The following ELF2 variants were observed in gnomAD, a reference collection of about 807,000 sequenced individuals.
ELF2 encodes E74 like ETS transcription factor 2, also known as ETS-related transcription factor Elf-2.
ELF2 carries 11 observed loss-of-function variants against 54.8 expected under a neutral mutation model. The ratio of observed to expected loss-of-function variants is 0.20; its 90% CI spans 0.13 to 0.33. The LOEUF (loss-of-function observed/expected upper bound fraction) is 0.33. Among genes scored for constraint, ELF2 ranks in the 10% least tolerant of loss-of-function variants. The pLI is 1.00. For missense variants in ELF2, 513 were observed against 703.0 expected, an observed-to-expected ratio of 0.73 and a Z score of 3.06; for synonymous variants, 203 against 245.1, an observed-to-expected ratio of 0.83 and a Z score of 1.61.
Position 139,073,469 on chromosome 4 carries a change from C to A in ELF2, c.337G>T (p.Asp113Tyr), listed in dbSNP as rs1418262830. ...GTTTACATACCAGGACTTCTTGAAT[C>A]CCTCAAGCAGGTAGGAGATTCCATA... is the stretch of plus-strand genomic sequence containing the variant. ...LHMESPTCLR[D>Y]SRSPVEVFVP... Residue 113 changes from aspartate to tyrosine, a missense_variant, in exon 5 of 10, where the codon GAT (aspartate) becomes TAT (tyrosine). Physicochemically the swap from Asp to Tyr is radical, Grantham distance 160. This residue lies in a region of ELF2 where 203 missense variants were observed against 245.9 expected (regional missense o/e 0.83). Coordinates refer to ENST00000686138, the MANE Select transcript of ELF2 (RefSeq NM_001331036.3). 1.2e-6 allele frequency: 2 copies of A among 1,606,284 alleles called. No homozygotes were observed. Among genetic ancestry groups the A allele is most frequent in the African/African-American group, 1.3e-5 (1 of 74,846 alleles).
chr4:139,156,401 A>C (rs1031970292), intron 1 of ELF2, among the ~76,000 whole-genome samples: 3 of 151,928 alleles, frequency 2.0e-5, no homozygotes, highest in African/African-American at 7.3e-5. Flanking sequence ...GGATGGTCTC[A>C]ATCTCCTGAC....
At chr4:139,068,395 TG>T (rs2148682752) in intron 6 of ELF2, among the ~76,000 whole-genome samples, 1 of 152,362 alleles carries the variant, frequency 6.6e-6, no homozygotes, top group South Asian at 2.1e-4. Flanking sequence ...TTCTACAGGA[TG>T]GTGAGAAACA....
At chr4:139,111,857 C>T (rs1734976893) in intron 4 of ELF2, among the ~76,000 whole-genome samples, 2 of 152,122 alleles carry the variant, frequency 1.3e-5, no homozygotes, top group Non-Finnish European at 2.9e-5. Flanking sequence ...AGGTAGACAA[C>T]TTAGTGGAAG....
At position 139,058,406 on chromosome 4, in the gene ELF2, T is replaced by C. The variant is rs905661170; in HGVS notation, c.*577A>G. The C allele has an allele frequency of 6.3e-5, 5 of 78,808 alleles. No homozygotes were observed. The Admixed American group carries it at 8.6e-4, about 14-fold the overall frequency. The allele number at this position is 78,808 out of a possible 1,614,324, so 4.9% of individuals were successfully genotyped here. ...AAGCTATATGATATATATATATGTA[T>C]GTATATATATATATATATATATATA... On this transcript the variant is annotated 3_prime_UTR_variant, in exon 10 of 10. Transcript: ENST00000686138.
intron 9 of ELF2, 138 bp from the exon 10 acceptor site, chr4:139,059,745 G>T: frequency 1.1e-6 from 1 of 926,514 alleles, no homozygotes; most frequent in Non-Finnish European, 1.6e-6. Context: ...GGCAATCCCT[G>T]ATGTTTGACA....
intron 4 of ELF2, chr4:139,084,545 A>C: frequency 1.9e-6 from 1 of 532,388 alleles, no homozygotes; most frequent in Non-Finnish European, 2.5e-6. Context: ...CTTGCTCCAG[A>C]GAGCGGCCGC....
chr4:139,093,022 G>C (rs1732845248), intron 4 of ELF2, among the ~76,000 whole-genome samples: 1 of 148,136 alleles, frequency 6.8e-6, no homozygotes, highest in Non-Finnish European at 1.5e-5. Context: ...TTGGAGTGCA[G>C]TGGCGCAATC....
intron 1 of ELF2, among the ~76,000 whole-genome samples, chr4:139,175,123 A>AT (rs1420332080): frequency 6.6e-6 from 1 of 152,214 alleles, no homozygotes; most frequent in Non-Finnish European, 1.5e-5. Context: ...TATGTGAATT[A>AT]TATCATCGTG....
chr4:139,148,559 A>C (rs1739511959), intron 1 of ELF2, among the ~76,000 whole-genome samples: 1 of 151,934 alleles, frequency 6.6e-6, no homozygotes, highest in Non-Finnish European at 1.5e-5. Context: ...AACATCTGTT[A>C]GTATTTAATT....
At chr4:139,161,434 G>T (rs1485766153) in intron 1 of ELF2, among the ~76,000 whole-genome samples, 1 of 151,948 alleles carries the variant, frequency 6.6e-6, no homozygotes, top group Non-Finnish European at 1.5e-5. Context: ...TATTTGTGAA[G>T]CTCTTTGATA....
intron 4 of ELF2, among the ~76,000 whole-genome samples, chr4:139,089,063 T>A (rs1732310255): frequency 6.6e-6 from 1 of 152,248 alleles, no homozygotes; most frequent in South Asian, 2.1e-4. Flanking sequence ...GGCCAAGGAC[T>A]TTCAATACTA....
intron 6 of ELF2, among the ~76,000 whole-genome samples, chr4:139,068,586 A>T (rs984700363): frequency 6.6e-6 from 1 of 152,220 alleles, no homozygotes; most frequent in African/African-American, 2.4e-5. Flanking sequence ...GGCTAAAAAA[A>T]ACTTCCAAGT....
chr4:139,068,885 T>A (rs1729114267), intron 6 of ELF2, among the ~76,000 whole-genome samples: 1 of 152,100 alleles, frequency 6.6e-6, no homozygotes, highest in African/African-American at 2.4e-5. Context: ...CATACACTTT[T>A]TTTTTTTTTA....
chr4:139,105,245 G>T lies in ELF2; in HGVS notation c.238+19919C>A, dbSNP rs150904590. On this transcript the variant is annotated intron_variant, in intron 4 of 9. Transcript: ENST00000686138. ...AATTTCAAGTTATATAATTTGATTT[G>T]TGACAAAGTAATTTTACTGTAGTGC... Among the ~76,000 whole-genome samples, 376 of 152,094 alleles carry T rather than the reference G, an allele frequency of 2.5e-3. 1 individual carries two copies. The highest frequency in any genetic ancestry group is 8.6e-3 in the African/African-American group (356 of 41,486).
chr4:139,158,959 C>T (rs1740820401), intron 1 of ELF2, among the ~76,000 whole-genome samples: 1 of 152,012 alleles, frequency 6.6e-6, no homozygotes, highest in African/African-American at 2.4e-5. Flanking sequence ...TCACTGAATA[C>T]CAAGAGCCTG....
intron 3 of ELF2, among the ~76,000 whole-genome samples, chr4:139,133,237 A>G (rs1398357193): frequency 6.6e-6 from 1 of 152,206 alleles, no homozygotes. Flanking sequence ...CTTATAAGCA[A>G]TAAGGATAAG....
intron 1 of ELF2, among the ~76,000 whole-genome samples, chr4:139,151,043 A>AGAAAGAAAGAAAGAAG (rs1560871289): frequency 1.4e-5 from 1 of 73,676 alleles, no homozygotes; most frequent in African/African-American, 4.3e-5. Flanking sequence ...AAAGAAAGAA[A>AGAAAGAAAGAAAGAAG]GAAAGAAAGA....
intron 1 of ELF2, among the ~76,000 whole-genome samples, chr4:139,173,698 C>T (rs2148921770): frequency 7.3e-6 from 1 of 137,860 alleles, no homozygotes; most frequent in East Asian, 2.2e-4. Flanking sequence ...GCGGAGGTTG[C>T]AATGAGCTGA....
chr4:139,093,551 C>T (rs1732908808), intron 4 of ELF2, among the ~76,000 whole-genome samples: 1 of 152,126 alleles, frequency 6.6e-6, no homozygotes, highest in Non-Finnish European at 1.5e-5. Flanking sequence ...TCCAAGACTC[C>T]TTAACTTAAA....
Sources: allele counts gnomAD v4.1 joint callset (sites outside exome capture counted in the v4.1 genomes callset), GRCh38; gene constraint gnomAD v4.1.1; regional missense constraint gnomAD v4.1.1; transcripts MANE v1.5; gene names NCBI Gene and HGNC (gene_info 2026-07-23, HGNC 2026-07-21).